Variants in SLC7A6 observed in about 807,000 individuals in gnomAD.
SLC7A6 encodes solute carrier family 7 member 6.
SLC7A6 carries 29 observed loss-of-function variants against 46.6 expected under a neutral mutation model. The observed-to-expected ratio is 0.62, with a 90% CI of 0.46 to 0.85. The LOEUF (loss-of-function observed/expected upper bound fraction) is 0.85, where lower values mean the gene tolerates loss of function less well. Ranked by LOEUF, SLC7A6 falls within the 40% of genes least tolerant of loss-of-function variation. The pLI, the probability that SLC7A6 is intolerant of heterozygous loss-of-function variation, is 0.00. For missense variants in SLC7A6, 527 were observed against 647.6 expected, an observed-to-expected ratio of 0.81 and a Z score of 2.02; for synonymous variants, 276 against 257.3, an observed-to-expected ratio of 1.07 and a Z score of -0.70.
At chr16:68,267,206 ATTTTTTTTT>A (rs1189220005) in intron 2 of SLC7A6, among the ~76,000 whole-genome samples, 13 of 87,670 alleles carry the variant, frequency 1.5e-4, no homozygotes, top group Admixed American at 1.3e-3. Flanking sequence ...ATTGTGGTGG[ATTTTTTTTT>A]TTTTTTTTTT....
chr16:68,272,395 C>T (rs1292525016), intron 2 of SLC7A6, among the ~76,000 whole-genome samples: 1 of 152,162 alleles, frequency 6.6e-6, no homozygotes, highest in Non-Finnish European at 1.5e-5. Flanking sequence ...CATGATTGCA[C>T]TCCAGCCTGG....
At chr16:68,281,239 C>A (rs1386972183) in intron 3 of SLC7A6, among the ~76,000 whole-genome samples, 6 of 152,192 alleles carry the variant, frequency 3.9e-5, no homozygotes, top group East Asian at 1.9e-4. Context: ...CAGCTTTTTG[C>A]AGATTTCAGG....
intron 2 of SLC7A6, among the ~76,000 whole-genome samples, chr16:68,270,265 C>G (rs1227352601): frequency 2.0e-5 from 3 of 152,074 alleles, no homozygotes; most frequent in African/African-American, 7.2e-5. Flanking sequence ...CTGGGTGCTC[C>G]TGCCCTTTTC....
intron 7 of SLC7A6, among the ~76,000 whole-genome samples, chr16:68,294,169 T>C (rs544150991): frequency 5.3e-5 from 8 of 152,184 alleles, no homozygotes; most frequent in Middle Eastern, 6.8e-3. Flanking sequence ...GCTGGGATTA[T>C]AGGCATGAGC....
At chr16:68,295,129 A>AT (rs774278871) in intron 8 of SLC7A6, among the ~76,000 whole-genome samples, 2 of 152,088 alleles carry the variant, frequency 1.3e-5, no homozygotes, top group Non-Finnish European at 2.9e-5. Flanking sequence ...TTAATAGCTA[A>AT]TTTTTTTAGG....
intron 3 of SLC7A6, among the ~76,000 whole-genome samples, chr16:68,285,981 C>T (rs2042922650): frequency 6.7e-6 from 1 of 149,034 alleles, no homozygotes; most frequent in African/African-American, 2.5e-5. Context: ...CCTGTGGTCC[C>T]AGCTAATAGG....
chr16:68,272,640 G>T (rs555676132), intron 2 of SLC7A6, among the ~76,000 whole-genome samples: 44 of 152,272 alleles, frequency 2.9e-4, no homozygotes, highest in African/African-American at 1.1e-3. Flanking sequence ...CCACTGGGTA[G>T]TTTCGCCAGT....
In SLC7A6 at chr16:68,291,218, C is replaced by A. The variant is rs1032194135; in HGVS notation, c.804C>A (p.Pro268=). The part of the protein sequence containing the change: ...EEIKNPERNL[P]LAIGISMPIV... ...TCACTTGTCCTGACAGAAATTTGCC[C>A]TTGGCCATTGGGATTTCTATGCCAA... Residue 268 remains proline (P), a synonymous_variant, in exon 6 of 11, where the codon CCC becomes CCA. Coordinates refer to ENST00000219343, the MANE Select transcript of SLC7A6 (RefSeq NM_003983.6). The A allele has an allele frequency of 6.8e-6, 11 of 1,614,108 alleles. No homozygotes were observed. The highest frequency in any genetic ancestry group is 1.3e-5 in the African/African-American group (1 of 74,940).
At chr16:68,270,338 G>C (rs1312894277) in intron 2 of SLC7A6, among the ~76,000 whole-genome samples, 1 of 151,504 alleles carries the variant, frequency 6.6e-6, no homozygotes, top group Non-Finnish European at 1.5e-5. Context: ...CAGGCATAGA[G>C]GTTTTTTTTT....
At chr16:68,281,747 G>A (rs754847045) in intron 3 of SLC7A6, among the ~76,000 whole-genome samples, 2 of 152,216 alleles carry the variant, frequency 1.3e-5, no homozygotes, top group African/African-American at 2.4e-5. Flanking sequence ...GCAGAAGGGT[G>A]GTGTTTCTGC....
In SLC7A6 at chr16:68,299,080, G is replaced by C. The variant is rs1349718003; in HGVS notation, c.*1752G>C. On this transcript the variant is annotated 3_prime_UTR_variant, in exon 11 of 11. Coordinates refer to ENST00000219343, the MANE Select transcript of SLC7A6 (RefSeq NM_003983.6). ...CATGGGGTGACATTCCTACTGTCAT[G>C]GGTTTGGGATTTGTAACGGCAAATT... 2 of 152,648 alleles carry C rather than the reference G, an allele frequency of 1.3e-5. No individual in the cohort carries two copies. Among genetic ancestry groups the C allele is most frequent in the African/African-American group, 4.8e-5 (2 of 41,452 alleles). The allele number at this position is 152,648 out of a possible 1,614,324, so 9.5% of individuals were successfully genotyped here. A position where few individuals can be genotyped will look rare whatever the true frequency, so the allele number is the denominator to read the frequency against.
Position 68,299,768 on chromosome 16 carries a change from A to G in SLC7A6, c.*2440A>G, listed in dbSNP as rs2043237001. On this transcript the variant is annotated 3_prime_UTR_variant, in exon 11 of 11. Coordinates refer to ENST00000219343, the MANE Select transcript of SLC7A6 (RefSeq NM_003983.6). The stretch of plus-strand genomic sequence containing the variant: ...GAAAGCAAGATGTCTAATATTAGAC[A>G]TACAAGTTGCTGCCTGTTATAACGG... 1 of 152,222 alleles carries G rather than the reference A, an allele frequency of 6.6e-6. No homozygotes were observed. Among genetic ancestry groups the G allele is most frequent in the African/African-American group, 2.4e-5 (1 of 41,448 alleles). 9.4% of individuals were successfully genotyped at this position (152,222 alleles called of 1,614,324 possible). A position where few individuals can be genotyped will look rare whatever the true frequency, so the allele number is the denominator to read the frequency against.
At chr16:68,267,943 C>A (rs1184512686) in intron 2 of SLC7A6, among the ~76,000 whole-genome samples, 1 of 152,178 alleles carries the variant, frequency 6.6e-6, no homozygotes, top group Non-Finnish European at 1.5e-5. Flanking sequence ...GTTTGGGGAG[C>A]TTCCGGATAG....
rs1294355287 is a variant in SLC7A6 at position 68,287,498 on chromosome 16, GATGTATAAGT to G, written c.524-243_524-234del. 2.9e-6 allele frequency: 4 copies of G among 1,398,142 alleles called. No homozygotes were observed. In the African/African-American group the frequency reaches 5.8e-5, roughly 20 times the overall value. 86.6% of individuals were successfully genotyped at this position (1,398,142 alleles called of 1,614,324 possible). On this transcript the variant is annotated intron_variant, in intron 3 of 10. Transcript: ENST00000219343. ...TCCCAGAAATGGTGCTAGCCATCAG[GATGTATAAGT>G]ATGTGTTCACGCATGCCTTCATATC...
chr16:68,299,883 G>A lies in SLC7A6; in HGVS notation c.*2555G>A, dbSNP rs1418130814. On this transcript the variant is annotated 3_prime_UTR_variant, in exon 11 of 11. Coordinates refer to ENST00000219343, the MANE Select transcript of SLC7A6 (RefSeq NM_003983.6). The stretch of plus-strand genomic sequence containing the variant: ...TGTGTACACAGAATTTAATCACTTC[G>A]GCAGGTTGAACAACTCCATGTAGAT... 1 of 152,062 alleles carries A rather than the reference G, an allele frequency of 6.6e-6. No homozygotes were observed. The highest frequency in any genetic ancestry group is 1.5e-5 in the Non-Finnish European group (1 of 68,022). The allele number at this position is 152,062 out of a possible 1,614,324, so 9.4% of individuals were successfully genotyped here.
Position 68,275,225 on chromosome 16 carries a change from C to A in SLC7A6, c.499C>A (p.Arg167Ser). The A allele has an allele frequency of 6.2e-7, 1 of 1,610,972 alleles. No homozygotes were observed. The highest frequency in any genetic ancestry group is 1.1e-5 in the South Asian group (1 of 91,002). The change falls in exon 3 of 11, where the codon CGT becomes AGT. Residue 167 changes from arginine to serine, a missense_variant. Transcript: ENST00000219343. ...PSCDPPYLAC[R>S]LLAAACICLL... ...CTGTGATCCCCCATACCTGGCCTGC[C>A]GTCTCCTGGCTGCTGCTTGCATATG...
rs1202995912 is a variant in SLC7A6 at position 68,299,139 on chromosome 16, T to G, written c.*1811T>G. On this transcript the variant is annotated 3_prime_UTR_variant, in exon 11 of 11. Transcript: ENST00000219343. Reference sequence around the variant, plus strand: ...ACGACAGGGTGTCTTATGCAAAGGCTGACTTGCCTGAACGCTAAGAACATG... The same window carrying G: ...ACGACAGGGTGTCTTATGCAAAGGCGGACTTGCCTGAACGCTAAGAACATG... The G allele has an allele frequency of 6.6e-6, 1 of 152,666 alleles. No individual in the cohort carries two copies. The highest frequency in any genetic ancestry group is 2.4e-5 in the African/African-American group (1 of 41,452). The allele number at this position is 152,666 out of a possible 1,614,324, so 9.5% of individuals were successfully genotyped here. A position where few individuals can be genotyped will look rare whatever the true frequency, so the allele number is the denominator to read the frequency against.
chr16:68,291,789 G>GTGTA (rs2043057921), intron 7 of SLC7A6, 128 bp downstream of exon 7: 1 of 726,510 alleles, frequency 1.4e-6, no homozygotes, highest in Non-Finnish European at 2.3e-6. Flanking sequence ...GTGTGTGTGT[G>GTGTA]TGTGTGTGTG....
At chr16:68,294,365 C>G (rs967648502) in intron 7 of SLC7A6, among the ~76,000 whole-genome samples, 1 of 152,088 alleles carries the variant, frequency 6.6e-6, no homozygotes, top group African/African-American at 2.4e-5. Flanking sequence ...ATGAATCTGG[C>G]ATGGATTGGG....
Sources: gnomAD v4.1 joint callset for allele counts (sites outside exome capture counted in the v4.1 genomes callset) on GRCh38, gnomAD v4.1.1 for gene constraint, MANE v1.5 for transcripts, NCBI Gene and HGNC (gene_info 2026-07-23, HGNC 2026-07-21) for gene names.